The following DDAH1 variants were observed in gnomAD, a reference collection of about 807,000 sequenced individuals.
DDAH1 encodes the protein N(G),N(G)-dimethylarginine dimethylaminohydrolase 1.
In DDAH1, 19 loss-of-function variants were observed where a neutral mutation model predicts 28.8. The ratio of observed to expected loss-of-function variants is 0.66; its 90% confidence interval spans 0.46 to 0.97. The LOEUF (loss-of-function observed/expected upper bound fraction) is 0.97, where lower values mean the gene tolerates loss of function less well. Ranked by LOEUF, DDAH1 falls within the 50% of genes least tolerant of loss-of-function variation. The pLI, the probability that DDAH1 is intolerant of heterozygous loss-of-function variation, is 0.00. For missense variants in DDAH1, 326 were observed against 375.9 expected, an observed-to-expected ratio of 0.87 and a Z score of 1.10; for synonymous variants, 153 against 154.4, an observed-to-expected ratio of 0.99 and a Z score of 0.07.
chr1:85,481,103 T>TG (rs201500257), intron 2 of DDAH1, among the ~76,000 whole-genome samples: 7,554 of 146,396 alleles, frequency 0.052, 405 homozygotes, highest in African/African-American at 0.13. Context: ...TTTTTGTTTT[T>TG]TTTTTTTTTT....
At chr1:85,519,319 A>T (rs1409264202) in intron 1 of DDAH1, among the ~76,000 whole-genome samples, 48 of 152,138 alleles carry the variant, frequency 3.2e-4, no homozygotes, top group African/African-American at 1.1e-3. Flanking sequence ...GATGGTCTCG[A>T]TATCCTGACC....
chr1:85,519,117 G>C (rs1361874983), intron 1 of DDAH1, among the ~76,000 whole-genome samples: 2 of 110,608 alleles, frequency 1.8e-5, no homozygotes, highest in South Asian at 6.3e-4. Flanking sequence ...TTTTTGAGAC[G>C]GAGTCTTGCT....
intron 1 of DDAH1, among the ~76,000 whole-genome samples, chr1:85,435,859 C>A (rs576477326): frequency 6.6e-6 from 1 of 152,070 alleles, no homozygotes; most frequent in South Asian, 2.1e-4. Context: ...GGCACAATCT[C>A]ATCTCACTGC....
At position 85,464,634 on chromosome 1, in the gene DDAH1, GAAC is replaced by G; in HGVS notation, c.303+106_303+108del. 1 of 1,510,306 alleles carries G rather than the reference GAAC, an allele frequency of 6.6e-7. No homozygotes were observed. The highest frequency in any genetic ancestry group is 8.8e-7 in the Non-Finnish European group (1 of 1,132,064). 93.6% of individuals were successfully genotyped at this position (1,510,306 alleles called of 1,614,324 possible). ...CACTCGCCCCCCGACGGGAAGTTGT[GAAC>G]TACTAGCCCGAGGGCCAATGGCGCG... is the stretch of plus-strand genomic sequence containing the variant. On this transcript the variant is annotated intron_variant, in intron 1 of 5. Coordinates refer to ENST00000284031, the MANE Select transcript of DDAH1 (RefSeq NM_012137.4). This position sits in a 1 kb window ranked among gnomAD's most constrained non-coding sequence, Gnocchi z 4.4.
At chr1:85,499,916 G>A (rs1656733864) in intron 1 of DDAH1, among the ~76,000 whole-genome samples, 2 of 152,052 alleles carry the variant, frequency 1.3e-5, no homozygotes, top group Admixed American at 1.3e-4. Context: ...TTTTTATGTT[G>A]ATCTGAGTTT....
intron 1 of DDAH1, among the ~76,000 whole-genome samples, chr1:85,365,294 G>A (rs1196965276): frequency 8.5e-5 from 13 of 152,108 alleles, no homozygotes; most frequent in African/African-American, 3.1e-4. Context: ...ATGAAATCGA[G>A]TGACTGTGAG....
intron 1 of DDAH1, among the ~76,000 whole-genome samples, chr1:85,401,903 C>T (rs1652128549): frequency 6.6e-6 from 1 of 152,194 alleles, no homozygotes; most frequent in South Asian, 2.1e-4. Flanking sequence ...CAATTACTAT[C>T]TTACTTAAAA....
chr1:85,400,175 TTC>T (rs1232514225), intron 1 of DDAH1, among the ~76,000 whole-genome samples: 6 of 22,332 alleles, frequency 2.7e-4, no homozygotes, highest in African/African-American at 1.7e-4. Flanking sequence ...TTCTTTTCTT[TTC>T]TTTTTTTTTT....
rs79486969 is a variant in DDAH1 at position 85,472,246 on chromosome 1, C to T, written c.-7+23920G>A. 4.4e-3 allele frequency among the ~76,000 whole-genome samples: 670 copies of T among 152,290 alleles called. 4 individuals are homozygous for T. The highest frequency in any genetic ancestry group is 0.015 in the African/African-American group (636 of 41,554). ...AAGGAAGGAATGCTGCTCAGAGAGG[C>T]GAAGGAGAATCTAGGCAGACAGACC... On this transcript the variant is annotated intron_variant, in intron 2 of 6. Coordinates refer to the DDAH1 transcript ENST00000426972.
intron 1 of DDAH1, among the ~76,000 whole-genome samples, chr1:85,503,483 T>TA (rs1456076116): frequency 6.6e-6 from 1 of 152,208 alleles, no homozygotes; most frequent in Non-Finnish European, 1.5e-5. Flanking sequence ...AATACAGGCA[T>TA]AAGCCACTGC....
chr1:85,485,021 C>T (rs1319882204), intron 2 of DDAH1, among the ~76,000 whole-genome samples: 1 of 152,200 alleles, frequency 6.6e-6, no homozygotes, highest in Non-Finnish European at 1.5e-5. Context: ...GGATAGCATA[C>T]CTGAGCTTCA....
chr1:85,408,808 T>TA (rs1652521452), intron 1 of DDAH1, among the ~76,000 whole-genome samples: 1 of 152,182 alleles, frequency 6.6e-6, no homozygotes, highest in Non-Finnish European at 1.5e-5. Context: ...ATGGGCTTGT[T>TA]ACACTGGATG....
At chr1:85,372,371 TA>T (rs1407868744) in intron 1 of DDAH1, among the ~76,000 whole-genome samples, 1 of 152,134 alleles carries the variant, frequency 6.6e-6, no homozygotes, top group Admixed American at 6.6e-5. Context: ...AACATTGTGT[TA>T]AAAAATAGTG....
At chr1:85,565,646 G>C (rs1309080506) in intron 1 of DDAH1, among the ~76,000 whole-genome samples, 2 of 152,166 alleles carry the variant, frequency 1.3e-5, no homozygotes, top group Non-Finnish European at 2.9e-5. Context: ...CAGCACACCT[G>C]CTCAAGAAAC....
intron 1 of DDAH1, among the ~76,000 whole-genome samples, chr1:85,443,021 T>C (rs1016313291): frequency 1.3e-5 from 2 of 152,218 alleles, no homozygotes; most frequent in African/African-American, 4.8e-5. Context: ...GCAGAAGCTC[T>C]TTAGTTTAAT....
intron 1 of DDAH1, among the ~76,000 whole-genome samples, chr1:85,363,476 T>C (rs922252889): frequency 6.6e-6 from 1 of 152,226 alleles, no homozygotes; most frequent in Non-Finnish European, 1.5e-5. Context: ...AATTATAGAA[T>C]CATTCTACCC....
Position 85,410,372 on chromosome 1 carries a change from G to A in DDAH1, c.304-51525C>T, listed in dbSNP as rs918558034. On this transcript the variant is annotated intron_variant, in intron 1 of 5. Transcript: ENST00000284031. Reference sequence around the variant, plus strand: ...AAAGGAAATGAGGCCGGGCATGGTGGCCCATGCCTGTAATCCCAGCACTTT... The same window carrying A: ...AAAGGAAATGAGGCCGGGCATGGTGACCCATGCCTGTAATCCCAGCACTTT... Among the ~76,000 whole-genome samples, 22 of 152,146 alleles carry A rather than the reference G, an allele frequency of 1.4e-4. 1 individual carries two copies. The highest frequency in any genetic ancestry group is 1.4e-3 in the Admixed American group (22 of 15,288).
upstream of DDAH1, among the ~76,000 whole-genome samples, chr1:85,468,764 C>T (rs1246523882): frequency 6.6e-6 from 1 of 152,088 alleles, no homozygotes; most frequent in African/African-American, 2.4e-5. Context: ...GTGATCCACC[C>T]GCCTCGGCCT....
intron 3 of DDAH1, among the ~76,000 whole-genome samples, chr1:85,350,923 G>A (rs1359162009): frequency 2.0e-5 from 3 of 151,990 alleles, no homozygotes; most frequent in African/African-American, 7.3e-5. Context: ...AATCAATAGA[G>A]TAAAGGGACC....
Sources: gnomAD v4.1 joint callset for allele counts (sites outside exome capture counted in the v4.1 genomes callset) on GRCh38, gnomAD v4.1.1 for gene constraint, Gnocchi (gnomAD v3.1) non-coding constraint, MANE v1.5 for transcripts, NCBI Gene and HGNC (gene_info 2026-07-23, HGNC 2026-07-21) for gene names.